Variants in DLG2 observed in about 807,000 individuals in gnomAD.
DLG2 encodes the protein disks large homolog 2.
DLG2 carries 45 observed loss-of-function variants against 132.5 expected under a neutral mutation model. The observed-to-expected ratio is 0.34, with a 90% CI of 0.27 to 0.44. DLG2 has a LOEUF of 0.44. DLG2 is among the 20% of genes least tolerant of loss of function. The pLI is 1.00. For synonymous variants in DLG2, 424 were observed against 419.6 expected (o/e 1.01, Z -0.13); for missense variants, 1,045 against 1,196.9 (o/e 0.87, Z 1.87).
At chr11:84,483,430 C>CA (rs56086759) in intron 7 of DLG2, among the ~76,000 whole-genome samples, 14,253 of 89,982 alleles carry the variant, frequency 0.16, 1,069 homozygotes, top group Non-Finnish European at 0.18. Context: ...GACTCCGCCT[C>CA]AAAAAAAAAA....
chr11:85,163,401 T>C (rs1296553402), intron 4 of DLG2, among the ~76,000 whole-genome samples: 1 of 152,104 alleles, frequency 6.6e-6, no homozygotes, highest in African/African-American at 2.4e-5. Flanking sequence ...CAGAGAAATA[T>C]AAAAATACGT....
At chr11:84,584,665 C>A (rs1301798310) in intron 6 of DLG2, among the ~76,000 whole-genome samples, 1 of 146,726 alleles carries the variant, frequency 6.8e-6, no homozygotes, top group African/African-American at 2.5e-5. Flanking sequence ...TGTACCTGGC[C>A]CAGCATTCCT....
chr11:83,798,746 G>C (rs1470628826), intron 17 of DLG2, among the ~76,000 whole-genome samples: 1 of 152,132 alleles, frequency 6.6e-6, no homozygotes, highest in East Asian at 1.9e-4. Context: ...TTTATTCAGA[G>C]AGACCATGGA....
intron 7 of DLG2, among the ~76,000 whole-genome samples, chr11:84,391,411 A>T (rs1184819508): frequency 6.6e-6 from 1 of 152,206 alleles, no homozygotes; most frequent in Non-Finnish European, 1.5e-5. Context: ...GAGGTAGACC[A>T]TCCTTTGAGA....
intron 6 of DLG2, among the ~76,000 whole-genome samples, chr11:85,033,756 T>G (rs530691423): frequency 6.6e-6 from 1 of 152,354 alleles, no homozygotes; most frequent in South Asian, 2.1e-4. Context: ...ATATTTTGCT[T>G]GAAGGATGAA....
At chr11:83,832,454 C>T (rs1257549083) in intron 17 of DLG2, among the ~76,000 whole-genome samples, 1 of 152,092 alleles carries the variant, frequency 6.6e-6, no homozygotes, top group Non-Finnish European at 1.5e-5. Context: ...GCCCTTTGCA[C>T]CAATGCAGAT....
intron 17 of DLG2, among the ~76,000 whole-genome samples, chr11:83,802,120 TAG>T (rs1452020065): frequency 6.6e-6 from 1 of 151,780 alleles, no homozygotes; most frequent in Non-Finnish European, 1.5e-5. Context: ...TCAGGCTAGA[TAG>T]CAGTGACATG....
chr11:85,213,488 A>T (rs1332592734), intron 4 of DLG2, among the ~76,000 whole-genome samples: 1 of 152,136 alleles, frequency 6.6e-6, no homozygotes, highest in African/African-American at 2.4e-5. Flanking sequence ...TTATCTAAAG[A>T]CCTGGAATCA....
At chr11:84,348,991 C>T (rs1252558295) in intron 7 of DLG2, among the ~76,000 whole-genome samples, 1 of 152,136 alleles carries the variant, frequency 6.6e-6, no homozygotes, top group Non-Finnish European at 1.5e-5. Context: ...AACTGTGAGA[C>T]AAAACATTAC....
At chr11:84,779,966 A>G (rs2071416961) in intron 6 of DLG2, among the ~76,000 whole-genome samples, 1 of 152,020 alleles carries the variant, frequency 6.6e-6, no homozygotes, top group African/African-American at 2.4e-5. Context: ...ATATACAAAG[A>G]AGAACTAATA....
intron 14 of DLG2, among the ~76,000 whole-genome samples, chr11:83,960,401 G>T (rs12288916): frequency 6.6e-6 from 1 of 151,876 alleles, no homozygotes; most frequent in African/African-American, 2.4e-5. Context: ...GAATTTTACA[G>T]ATAGTTAACA....
chr11:84,763,905 G>A (rs1198754632), intron 6 of DLG2, among the ~76,000 whole-genome samples: 1 of 152,022 alleles, frequency 6.6e-6, no homozygotes, highest in African/African-American at 2.4e-5. Context: ...GTGTTTGTTG[G>A]GGTGAGGGGC....
At chr11:83,794,320 T>C (rs925481356) in intron 17 of DLG2, among the ~76,000 whole-genome samples, 1 of 152,132 alleles carries the variant, frequency 6.6e-6, no homozygotes, top group African/African-American at 2.4e-5. Context: ...ATCCCTGAGG[T>C]TTGAGTTTTT....
At chr11:84,877,650 C>T (rs184172567) in intron 6 of DLG2, among the ~76,000 whole-genome samples, 14 of 151,052 alleles carry the variant, frequency 9.3e-5, no homozygotes, top group Admixed American at 8.0e-4. Context: ...GACTTTTTAC[C>T]GATTTGCCAG....
At chr11:84,032,329 T>G (rs539141836) in intron 11 of DLG2, among the ~76,000 whole-genome samples, 4 of 152,140 alleles carry the variant, frequency 2.6e-5, no homozygotes, top group Admixed American at 1.3e-4. Flanking sequence ...TGTGACTCCA[T>G]TGAAAGCAAA....
At chr11:84,387,579 T>A (rs981171171) in intron 7 of DLG2, among the ~76,000 whole-genome samples, 1 of 152,056 alleles carries the variant, frequency 6.6e-6, no homozygotes, top group Non-Finnish European at 1.5e-5. Context: ...CTAGGTGTGG[T>A]TGGGCATGCA....
intron 7 of DLG2, among the ~76,000 whole-genome samples, chr11:84,470,796 G>C (rs181128446): frequency 2.5e-4 from 38 of 151,918 alleles, no homozygotes; most frequent in African/African-American, 8.9e-4. Flanking sequence ...GGGCAAATTG[G>C]AAAGAACATT....
chr11:85,073,538 A>T (rs2066143928), intron 6 of DLG2, among the ~76,000 whole-genome samples: 1 of 151,790 alleles, frequency 6.6e-6, no homozygotes. Flanking sequence ...CTTCTTGCCC[A>T]CTCATATCCA....
rs576615108 is a variant in DLG2 at position 84,748,872 on chromosome 11, T to C, written c.358-214141A>G. 1.8e-3 allele frequency among the ~76,000 whole-genome samples: 276 copies of C among 152,294 alleles called. 3 individuals are homozygous for C. Among genetic ancestry groups the C allele is most frequent in the African/African-American group, 6.4e-3 (267 of 41,578 alleles). The stretch of plus-strand genomic sequence containing the variant: ...AACAAATTTATGGTAGAATTCCCAT[T>C]AGCCTGAAAGACAGAGGCTGGGTGT... On this transcript the variant is annotated intron_variant, in intron 6 of 27. Transcript: ENST00000376104.
Sources: allele counts gnomAD v4.1 joint callset (sites outside exome capture counted in the v4.1 genomes callset), GRCh38; gene constraint gnomAD v4.1.1; transcripts MANE v1.5; gene names NCBI Gene and HGNC (gene_info 2026-07-23, HGNC 2026-07-21).